Variants in ASB9 observed in about 807,000 individuals in gnomAD.
The protein encoded by ASB9 is ankyrin repeat and SOCS box protein 9.
ASB9 carries 5 observed loss-of-function variants against 16.6 expected under a neutral mutation model. The ratio of observed to expected loss-of-function variants is 0.30; its 90% CI spans 0.16 to 0.63. ASB9 has a LOEUF of 0.63. ASB9 is among the 30% of genes least tolerant of loss of function. The pLI is 0.82. For missense variants in ASB9, 216 were observed against 229.4 expected (o/e 0.94, Z 0.38); for synonymous variants, 100 against 86.4 (o/e 1.16, Z -0.87).
intron 1 of ASB9, among the ~76,000 whole-genome samples, chrX:15,260,802 T>A (rs960932473): frequency 8.9e-6 from 1 of 112,403 alleles, no homozygotes; most frequent in African/African-American, 3.2e-5. Context: ...ATTTAACACA[T>A]GTTGGCTTAA....
At chrX:15,252,132 C>T (rs1925165206) in intron 4 of ASB9, 122 bp downstream of exon 4, 1 of 788,441 alleles carries the variant, frequency 1.3e-6, no homozygotes, top group Non-Finnish European at 1.8e-6. Flanking sequence ...CTGATGCTTC[C>T]AGTCCTGGGA....
At chrX:15,260,569 T>C (rs891263909) in intron 1 of ASB9, among the ~76,000 whole-genome samples, 6 of 111,660 alleles carry the variant, frequency 5.4e-5, no homozygotes, top group African/African-American at 2.0e-4. Flanking sequence ...TCAAGCTTCA[T>C]CTGATTTCCA....
upstream of ASB9, chrX:15,270,286 TG>T: frequency 8.4e-6 from 1 of 119,734 alleles, no homozygotes; most frequent in East Asian, 2.5e-4. Flanking sequence ...GGGAGCAGGG[TG>T]GGGGTGAAGG....
At chrX:15,249,887 A>T (rs748474503) in intron 5 of ASB9, among the ~76,000 whole-genome samples, 1 of 111,802 alleles carries the variant, frequency 8.9e-6, no homozygotes, top group East Asian at 2.8e-4. Context: ...AATAAATAGG[A>T]CTCAGATAAT....
intron 1 of ASB9, among the ~76,000 whole-genome samples, chrX:15,267,805 C>T (rs1926654383): frequency 9.4e-6 from 1 of 106,658 alleles, no homozygotes; most frequent in Admixed American, 1.0e-4. Flanking sequence ...TTTGATGCCA[C>T]TCTTGCTTTC....
rs776829373 is a variant in ASB9, at chrX:15,249,921, C to T, written c.568+509G>A. On this transcript the variant is annotated intron_variant, in intron 5 of 6. Transcript: ENST00000380488. The stretch of plus-strand genomic sequence containing the variant: ...ATTAAAGAGGTGATGAAATGGTGTT[C>T]CAGGTGTTGAGAAGGGGGCTGGACA... 1.7e-3 allele frequency among the ~76,000 whole-genome samples: 195 copies of T among 111,822 alleles called. 1 individual carries two copies. Among genetic ancestry groups the T allele is most frequent in the African/African-American group, 6.1e-3 (188 of 30,715 alleles).
At chrX:15,261,067 T>C (rs1387734222) in intron 1 of ASB9, among the ~76,000 whole-genome samples, 1 of 111,895 alleles carries the variant, frequency 8.9e-6, no homozygotes, top group East Asian at 2.8e-4. Context: ...TCACGCTTAA[T>C]AGATACTCAA....
intron 1 of ASB9, among the ~76,000 whole-genome samples, chrX:15,267,768 A>AG (rs1308056909): frequency 3.2e-5 from 3 of 92,738 alleles, no homozygotes; most frequent in African/African-American, 1.2e-4. Context: ...AAAAAAAAAA[A>AG]AAAGAAATTC....
At chrX:15,249,155 A>G (rs1243037930) in intron 5 of ASB9, among the ~76,000 whole-genome samples, 8 of 112,345 alleles carry the variant, frequency 7.1e-5, no homozygotes, top group Non-Finnish European at 1.1e-4. Flanking sequence ...ATAGCATAGA[A>G]AGTTAAAAAT....
chrX:15,254,340 C>T (rs1925367194), intron 3 of ASB9, among the ~76,000 whole-genome samples: 1 of 112,156 alleles, frequency 8.9e-6, no homozygotes, highest in South Asian at 3.7e-4. Flanking sequence ...TCTTGCAATC[C>T]CTGCTACCAT....
intron 2 of ASB9, among the ~76,000 whole-genome samples, chrX:15,255,936 T>C (rs1461779320): frequency 9.0e-6 from 1 of 111,602 alleles, no homozygotes; most frequent in Non-Finnish European, 1.9e-5. Context: ...AATAAAAATA[T>C]CAGTTTCACC....
chrX:15,262,682 A>G (rs1465253774), intron 1 of ASB9, among the ~76,000 whole-genome samples: 1 of 112,657 alleles, frequency 8.9e-6, no homozygotes, highest in Non-Finnish European at 1.9e-5. Context: ...CCCAGGCTGG[A>G]GTACAGTGGG....
chrX:15,260,695 G>A (rs1259746120), intron 1 of ASB9, among the ~76,000 whole-genome samples: 3 of 111,938 alleles, frequency 2.7e-5, no homozygotes, highest in East Asian at 2.8e-4. Flanking sequence ...TGCCTTGCAC[G>A]GAAGCTAATA....
At chrX:15,258,672 G>A in intron 2 of ASB9, among the ~76,000 whole-genome samples, 194 bp downstream of exon 2, 1 of 112,200 alleles carries the variant, frequency 8.9e-6, no homozygotes, top group South Asian at 3.7e-4. Flanking sequence ...ATTTTCTATT[G>A]TATTACAATT....
intron 1 of ASB9, among the ~76,000 whole-genome samples, chrX:15,261,852 A>G (rs947555965): frequency 5.3e-5 from 6 of 112,322 alleles, no homozygotes; most frequent in Non-Finnish European, 9.4e-5. Context: ...AGTTTTCAGT[A>G]TATTCAGAGC....
intron 1 of ASB9, among the ~76,000 whole-genome samples, chrX:15,259,844 AG>A (rs1413229089): frequency 8.9e-6 from 1 of 112,443 alleles, no homozygotes; most frequent in Non-Finnish European, 1.9e-5. Flanking sequence ...AAATTATCTC[AG>A]GTTATGTGTG....
At position 15,252,300 on chromosome X, in the gene ASB9, T is replaced by A. The variant is rs1197304211; in HGVS notation, c.387A>T (p.Gln129His). ...TGGGGGATGCCAGATCACTCTCAGG[T>A]TGAACGCTGGCTCCGTGCTGCAGAA... ...NLLLQHGASV[Q>H]PESDLASPIH... The change falls in exon 4 of 7, where the codon CAA (glutamine) becomes CAT (histidine). Residue 129 changes from glutamine (Q) to histidine (H), a missense_variant. Coordinates refer to ENST00000380488, the MANE Select transcript of ASB9 (RefSeq NM_001031739.3). 1.7e-6 allele frequency: 2 copies of A among 1,209,725 alleles called. No homozygotes were observed. Among genetic ancestry groups the A allele is most frequent in the Admixed American group, 4.4e-5 (2 of 45,685 alleles).
chrX:15,250,316 C>T, intron 5 of ASB9, 114 bp downstream of exon 5: 2 of 865,189 alleles, frequency 2.3e-6, no homozygotes. Context: ...GAACCCTGAC[C>T]TTGTCCAACT....
intron 3 of ASB9, among the ~76,000 whole-genome samples, chrX:15,253,041 C>T (rs1255126572): frequency 9.1e-6 from 1 of 110,446 alleles, no homozygotes; most frequent in Non-Finnish European, 1.9e-5. Flanking sequence ...CGAGACCAGC[C>T]TGGGCAACAT....
Sources: gnomAD v4.1 joint callset for allele counts (sites outside exome capture counted in the v4.1 genomes callset) on GRCh38, gnomAD v4.1.1 for gene constraint, MANE v1.5 for transcripts, NCBI Gene and HGNC (gene_info 2026-07-23, HGNC 2026-07-21) for gene names.